The following VPS53 variants were observed in gnomAD, a reference collection of about 807,000 sequenced individuals.
VPS53 encodes the protein VPS53 subunit of GARP complex, also known as vacuolar protein sorting-associated protein 53 homolog.
VPS53 carries 70 observed loss-of-function variants against 107.0 expected under a neutral mutation model. The observed-to-expected ratio is 0.65, with a 90% CI of 0.54 to 0.80. The LOEUF (loss-of-function observed/expected upper bound fraction) is 0.80, where lower values mean the gene tolerates loss of function less well. VPS53 is among the 30% of genes least tolerant of loss of function. The probability of loss-of-function intolerance (pLI) is 0.00; values close to 1 mark genes in which losing one functional copy is unlikely to be tolerated. For missense variants in VPS53, 917 were observed against 1,049.4 expected (o/e 0.87, Z 1.74); for synonymous variants, 409 against 393.3 (o/e 1.04, Z -0.47).
chr17:703,802 C>A (rs1318682763), intron 2 of VPS53, among the ~76,000 whole-genome samples: 1 of 141,132 alleles, frequency 7.1e-6, no homozygotes, highest in Non-Finnish European at 1.6e-5. Context: ...AATTTGGCAT[C>A]TTTTTTTTTT....
intron 12 of VPS53, among the ~76,000 whole-genome samples, chr17:590,927 T>C (rs1427935547): frequency 2.7e-5 from 4 of 150,218 alleles, no homozygotes; most frequent in Non-Finnish European, 5.9e-5. Flanking sequence ...CTTTTTCTAT[T>C]GATTGGAATA....
intron 17 of VPS53, among the ~76,000 whole-genome samples, chr17:545,848 G>T (rs1911142299): frequency 6.6e-6 from 1 of 152,220 alleles, no homozygotes; most frequent in African/African-American, 2.4e-5. Context: ...AAATAAATAT[G>T]CTCTGGCTGA....
chr17:690,402 G>A (rs1037385251), intron 4 of VPS53, among the ~76,000 whole-genome samples: 1 of 152,240 alleles, frequency 6.6e-6, no homozygotes, highest in Non-Finnish European at 1.5e-5. Context: ...TAAGCCAATA[G>A]TTAAAAATTG....
chr17:542,226 C>G (rs1480740827), intron 17 of VPS53, among the ~76,000 whole-genome samples: 1 of 152,186 alleles, frequency 6.6e-6, no homozygotes, highest in Non-Finnish European at 1.5e-5. Flanking sequence ...TATTACTCCT[C>G]TTTGTGAGTA....
At chr17:634,506 A>G (rs1255222677) in intron 7 of VPS53, among the ~76,000 whole-genome samples, 1 of 149,934 alleles carries the variant, frequency 6.7e-6, no homozygotes, top group African/African-American at 2.5e-5. Flanking sequence ...TTAACTCATC[A>G]TTTACATTAG....
At chr17:551,765 G>C in intron 17 of VPS53, 107 bp downstream of exon 17, 1 of 990,642 alleles carries the variant, frequency 1.0e-6, no homozygotes, top group Non-Finnish European at 1.4e-6. Flanking sequence ...CTCCTCAGCT[G>C]ATCCTTTACG....
intron 4 of VPS53, among the ~76,000 whole-genome samples, chr17:675,996 A>T (rs1206756487): frequency 6.6e-6 from 1 of 152,158 alleles, no homozygotes; most frequent in Non-Finnish European, 1.5e-5. Flanking sequence ...CCAATAATAT[A>T]CGGAGGACGA....
intron 4 of VPS53, among the ~76,000 whole-genome samples, chr17:690,921 T>A (rs1449354520): frequency 6.6e-6 from 1 of 152,072 alleles, no homozygotes; most frequent in Non-Finnish European, 1.5e-5. Context: ...CATACAAAAA[T>A]TTACAGTTAA....
intron 7 of VPS53, among the ~76,000 whole-genome samples, chr17:637,171 T>C (rs186702502): frequency 7.6e-4 from 116 of 152,276 alleles, no homozygotes; most frequent in African/African-American, 2.6e-3. Context: ...CAGGAATTTA[T>C]CCATTTCTTC....
At chr17:620,500 T>C (rs1969423340) in intron 11 of VPS53, among the ~76,000 whole-genome samples, 1 of 152,186 alleles carries the variant, frequency 6.6e-6, no homozygotes, top group Admixed American at 6.6e-5. Flanking sequence ...TAGCTCAGTT[T>C]CACGGTCTTA....
At chr17:541,823 G>A (rs1391342637) in intron 17 of VPS53, among the ~76,000 whole-genome samples, 10 of 143,846 alleles carry the variant, frequency 7.0e-5, no homozygotes, top group Admixed American at 3.5e-4. Context: ...CTGAAGGAAC[G>A]TTTATCAAGG....
Position 551,898 on chromosome 17 carries a change from C to A in VPS53, c.1840G>T (p.Asp614Tyr). The A allele has an allele frequency of 6.2e-7, 1 of 1,605,290 alleles. No homozygotes were observed. Among genetic ancestry groups the A allele is most frequent in the South Asian group, 1.1e-5 (1 of 89,210 alleles). The change falls in exon 17 of 22, where the codon GAT becomes TAT. Residue 614 changes from aspartate (D) to tyrosine (Y), a missense_variant. Asp to Tyr is a radical substitution (Grantham distance 160). Transcript: ENST00000437048. ...LLVQDLDAAC[D>Y]PALTAMSKMQ... ...TTGCTCATGGCAGTCAGGGCAGGAT[C>A]ACAGGCAGCATCCAGATCCTGAACC...
At chr17:657,322 C>T in intron 5 of VPS53, 1 of 761,476 alleles carries the variant, frequency 1.3e-6, no homozygotes, top group South Asian at 1.5e-5. Context: ...TCCATGAACC[C>T]AGCAGGGTAT....
At chr17:706,294 T>C (rs1323975355) in intron 2 of VPS53, among the ~76,000 whole-genome samples, 1 of 152,048 alleles carries the variant, frequency 6.6e-6, no homozygotes, top group Admixed American at 6.6e-5. Context: ...ATCCCAGCAC[T>C]TTGGGAGGTC....
At chr17:542,036 G>A (rs1910732547) in intron 17 of VPS53, among the ~76,000 whole-genome samples, 1 of 150,310 alleles carries the variant, frequency 6.7e-6, no homozygotes, top group Admixed American at 6.6e-5. Flanking sequence ...CACGCACCAG[G>A]GGCTGAAGGA....
intron 15 of VPS53, among the ~76,000 whole-genome samples, chr17:556,187 G>A (rs1346922975): frequency 6.6e-6 from 1 of 152,186 alleles, no homozygotes; most frequent in Non-Finnish European, 1.5e-5. Context: ...CCACTTGGGA[G>A]GCTGAGGGTA....
chr17:546,511 C>T (rs1911210921), intron 17 of VPS53, among the ~76,000 whole-genome samples: 1 of 152,092 alleles, frequency 6.6e-6, no homozygotes, highest in African/African-American at 2.4e-5. Flanking sequence ...AGAACTTTTA[C>T]AATTCAACAA....
intron 1 of VPS53, among the ~76,000 whole-genome samples, chr17:713,400 C>A (rs1404380477): frequency 2.0e-5 from 3 of 152,176 alleles, no homozygotes; most frequent in African/African-American, 7.2e-5. Context: ...CACCTGTAAT[C>A]CCAGCACTTT....
At chr17:637,311 CTTCT>C (rs1348210319) in intron 7 of VPS53, among the ~76,000 whole-genome samples, 2 of 151,942 alleles carry the variant, frequency 1.3e-5, no homozygotes. Flanking sequence ...TCTCTCTTTT[CTTCT>C]TTATTAGTCT....
Sources: gnomAD v4.1 joint callset for allele counts (sites outside exome capture counted in the v4.1 genomes callset) on GRCh38, gnomAD v4.1.1 for gene constraint, MANE v1.5 for transcripts, NCBI Gene and HGNC (gene_info 2026-07-23, HGNC 2026-07-21) for gene names.